The following LGSN variants were observed in gnomAD, a reference collection of about 807,000 sequenced individuals.
LGSN encodes the protein lengsin.
In LGSN, 21 loss-of-function variants were observed where a neutral mutation model predicts 19.5. The ratio of observed to expected loss-of-function variants is 1.07; its 90% confidence interval spans 0.76 to 1.55. LGSN has a LOEUF of 1.55. Ranked by LOEUF, LGSN falls within the 40% of genes most tolerant of loss-of-function variation. The pLI, the probability that LGSN is intolerant of heterozygous loss-of-function variation, is 0.00. For missense variants in LGSN, 673 were observed against 608.5 expected (o/e 1.11, Z -1.12); for synonymous variants, 257 against 215.6 (o/e 1.19, Z -1.68).
chr6:63,480,966 T>C, the LGSN span, among the ~76,000 whole-genome samples: 2 of 31,570 alleles, frequency 6.3e-5, no homozygotes, highest in Admixed American at 2.8e-4. Context: ...TATATATATA[T>C]ATATATATAT....
At chr6:63,352,857 A>ATT in the LGSN span, among the ~76,000 whole-genome samples, 445 of 151,096 alleles carry the variant, frequency 2.9e-3, 3 homozygotes, top group African/African-American at 0.01. Flanking sequence ...AAACAGCTGG[A>ATT]TTTTTTTTTA....
chr6:63,332,410 G>A, the LGSN span, among the ~76,000 whole-genome samples: 2 of 152,136 alleles, frequency 1.3e-5, no homozygotes, highest in African/African-American at 2.4e-5. Flanking sequence ...TCACTTGGGC[G>A]ACATGCCTTT....
In LGSN at chr6:63,280,473, C is replaced by G. The variant is rs754696624; in HGVS notation, c.1078G>C (p.Ala360Pro). The change falls in exon 4 of 4, where the codon GCG (alanine) becomes CCG (proline). Residue 360 changes from alanine (A) to proline (P), a missense_variant. Ala to Pro is a conservative substitution (Grantham distance 27). Coordinates refer to ENST00000370657, the MANE Select transcript of LGSN (RefSeq NM_016571.3). ...KHSAALSCLM[A>P]PSVSCRKRYS... The stretch of plus-strand genomic sequence containing the variant: ...CGCTTTCGGCAGCTAACAGAAGGCG[C>G]CATCAGGCAGCTGAGCGCAGCAGAG... 2.5e-6 allele frequency: 4 copies of G among 1,614,044 alleles called. No homozygotes were observed. In the African/African-American group the frequency reaches 4.0e-5, roughly 16 times the overall value.
chr6:63,358,439 C>T, the LGSN span, among the ~76,000 whole-genome samples: 14 of 152,236 alleles, frequency 9.2e-5, no homozygotes, highest in South Asian at 1.7e-3. Flanking sequence ...GCCATTTTCA[C>T]AATATTGATT....
intron 1 of LGSN, among the ~76,000 whole-genome samples, chr6:63,304,857 C>G (rs939247006): frequency 6.6e-6 from 1 of 152,082 alleles, no homozygotes; most frequent in African/African-American, 2.4e-5. Flanking sequence ...AATGCCTGAT[C>G]GTGAAGACAC....
At chr6:63,492,029 C>CAA in the LGSN span, among the ~76,000 whole-genome samples, 42 of 126,194 alleles carry the variant, frequency 3.3e-4, 2 homozygotes, top group Admixed American at 1.1e-3. Context: ...AACTCCATCT[C>CAA]AAAAAAAAAA....
the LGSN span, chr6:63,441,465 G>C: frequency 2.2e-6 from 1 of 445,128 alleles, no homozygotes; most frequent in Admixed American, 2.5e-5. Context: ...GTGATTGCTT[G>C]GGTGAGAAGC....
At chr6:63,572,111 TCTC>T in the LGSN span, 1 of 152,108 alleles carries the variant, frequency 6.6e-6, no homozygotes, top group African/African-American at 2.4e-5. Context: ...AAACTTCGAG[TCTC>T]CTCATGTGAC....
chr6:63,393,402 C>G, the LGSN span, among the ~76,000 whole-genome samples: 1 of 151,530 alleles, frequency 6.6e-6, no homozygotes, highest in South Asian at 2.1e-4. Flanking sequence ...TGGTCTCGAA[C>G]TCCTGACCTC....
At chr6:63,353,102 A>G in the LGSN span, among the ~76,000 whole-genome samples, 1 of 152,132 alleles carries the variant, frequency 6.6e-6, no homozygotes, top group Middle Eastern at 3.2e-3. Flanking sequence ...GTAGCCTTTG[A>G]GCTCCAGGAT....
the LGSN span, chr6:63,571,177 A>T: frequency 6.6e-6 from 1 of 152,134 alleles, no homozygotes; most frequent in South Asian, 2.1e-4. Flanking sequence ...TTGTTTTTTT[A>T]AAGTTCTTAT....
intron 1 of LGSN, among the ~76,000 whole-genome samples, chr6:63,316,022 G>A (rs1449859613): frequency 6.6e-6 from 1 of 152,034 alleles, no homozygotes; most frequent in African/African-American, 2.4e-5. Flanking sequence ...GCCCAAAATG[G>A]AATGGGTTAT....
At chr6:63,396,618 C>G in the LGSN span, 2 of 153,194 alleles carry the variant, frequency 1.3e-5, no homozygotes, top group East Asian at 3.9e-4. Context: ...TTAGCTTTAC[C>G]CCTCCCTTGG....
chr6:63,319,792 G>A (rs1389881493), intron 1 of LGSN, 122 bp downstream of exon 1: 1 of 713,782 alleles, frequency 1.4e-6, no homozygotes, highest in Non-Finnish European at 2.5e-6. Flanking sequence ...TCTCCTGAGT[G>A]GACATATAAC....
chr6:63,472,164 A>G, the LGSN span, among the ~76,000 whole-genome samples: 1 of 152,124 alleles, frequency 6.6e-6, no homozygotes, highest in African/African-American at 2.4e-5. Flanking sequence ...GTGTCTAATG[A>G]GAAGGCGTAT....
At chr6:63,324,914 T>C (rs150122262), upstream of LGSN, among the ~76,000 whole-genome samples, 444 of 151,260 alleles carry the variant, frequency 2.9e-3, 3 homozygotes, top group African/African-American at 0.01. Context: ...AAGACTATCC[T>C]GGCCAACATG....
the LGSN span, among the ~76,000 whole-genome samples, chr6:63,338,295 A>T: frequency 6.6e-6 from 1 of 152,198 alleles, no homozygotes; most frequent in Non-Finnish European, 1.5e-5. Flanking sequence ...ACCACGATTG[A>T]GATCATAAGA....
the LGSN span, among the ~76,000 whole-genome samples, chr6:63,527,658 T>C: frequency 1.3e-5 from 2 of 152,314 alleles, no homozygotes; most frequent in South Asian, 2.1e-4. Flanking sequence ...TCTGAGAACT[T>C]AAGTAACCAT....
intron 3 of LGSN, among the ~76,000 whole-genome samples, chr6:63,282,943 A>C (rs1399555891): frequency 6.6e-6 from 1 of 152,168 alleles, no homozygotes; most frequent in Non-Finnish European, 1.5e-5. Context: ...AGTTCTTTAC[A>C]TATCTAAAAT....
Sources: allele counts gnomAD v4.1 joint callset (sites outside exome capture counted in the v4.1 genomes callset), GRCh38; gene constraint gnomAD v4.1.1; transcripts MANE v1.5; gene names NCBI Gene and HGNC (gene_info 2026-07-23, HGNC 2026-07-21).